MICU1: variants seen among roughly 807,000 people sequenced by gnomAD.
The protein encoded by MICU1 is calcium uptake protein 1, mitochondrial.
Under a neutral mutation model 56.8 loss-of-function variants are expected in MICU1, and 45 were observed. That is an observed-to-expected ratio of 0.79 (90% confidence interval 0.62 to 1.02). The LOEUF (loss-of-function observed/expected upper bound fraction) is 1.02. MICU1 is among the 50% of genes least tolerant of loss of function. The pLI, the probability that MICU1 is intolerant of heterozygous loss-of-function variation, is 0.00. For synonymous variants in MICU1, 186 were observed against 195.1 expected, an observed-to-expected ratio of 0.95 and a Z score of 0.39; for missense variants, 504 against 587.1, an observed-to-expected ratio of 0.86 and a Z score of 1.46.
intron 10 of MICU1, among the ~76,000 whole-genome samples, chr10:72,379,791 T>A (rs1862641380): frequency 6.6e-6 from 1 of 152,150 alleles, no homozygotes; most frequent in South Asian, 2.1e-4. Flanking sequence ...GGCTCTGGTG[T>A]CCTTCCTACC....
At chr10:72,413,995 G>T (rs183650890) in intron 9 of MICU1, among the ~76,000 whole-genome samples, 32 of 152,316 alleles carry the variant, frequency 2.1e-4, no homozygotes, top group African/African-American at 7.2e-4. Context: ...GTTGATGAGG[G>T]TGTGGAGAAA....
In MICU1 at chr10:72,423,317, T is replaced by C; in HGVS notation, c.988A>G (p.Met330Val). 2 of 1,614,036 alleles carry C rather than the reference T, an allele frequency of 1.2e-6. No homozygotes were observed. Among genetic ancestry groups the C allele is most frequent in the Non-Finnish European group, 1.7e-6 (2 of 1,179,880 alleles). The change falls in exon 9 of 12, where the codon ATG becomes GTG. Residue 330 changes from methionine (M) to valine (V), a missense_variant. Coordinates refer to ENST00000361114, the MANE Select transcript of MICU1 (RefSeq NM_001195518.2). ...TGCACCCCACTGTAGGCAAGTAGCATGCCACCAAACTGCCTCTCAGTAATT... is the reference window on the plus strand; with the variant it reads ...TGCACCCCACTGTAGGCAAGTAGCACGCCACCAAACTGCCTCTCAGTAATT... ...GRITERQFGGMLLAYSGVQSK... is the reference protein window; with the variant it reads ...GRITERQFGGVLLAYSGVQSK...
At chr10:72,566,039 C>CTTTTT (rs11376019) in intron 2 of MICU1, among the ~76,000 whole-genome samples, 170 of 69,708 alleles carry the variant, frequency 2.4e-3, no homozygotes, top group East Asian at 5.5e-3. Flanking sequence ...CATTCATTTT[C>CTTTTT]TTTTTTTTTT....
At chr10:72,523,752 T>C in intron 5 of MICU1, 1 of 1,222,750 alleles carries the variant, frequency 8.2e-7, no homozygotes, top group Non-Finnish European at 1.1e-6. Context: ...TAATAATTTA[T>C]AAACTACCAT....
chr10:72,615,854 C>T (rs1216190781), intron 1 of MICU1, among the ~76,000 whole-genome samples: 2 of 151,996 alleles, frequency 1.3e-5, no homozygotes, highest in Non-Finnish European at 2.9e-5. Flanking sequence ...GCCGGGCGTG[C>T]GGCATGCACC....
In MICU1 at chr10:72,523,950, T is replaced by C. The variant is rs1333993248; in HGVS notation, c.537+9796A>G. On this transcript the variant is annotated intron_variant, in intron 5 of 11. Transcript: ENST00000361114. Reference sequence around the variant, plus strand: ...TAATAAAGTCTTTCTAGGTGTCCCATTTGTTTCCCCTTAAGCCATTTTACT... The same window carrying C: ...TAATAAAGTCTTTCTAGGTGTCCCACTTGTTTCCCCTTAAGCCATTTTACT... The C allele has an allele frequency of 2.8e-6, 4 of 1,417,286 alleles. No homozygotes were observed. The African/African-American group carries it at 4.4e-5, about 15-fold the overall frequency. The allele number at this position is 1,417,286 out of a possible 1,614,324, so 87.8% of individuals were successfully genotyped here. A position where few individuals can be genotyped will look rare whatever the true frequency, so the allele number is the denominator to read the frequency against.
chr10:72,370,104 CCT>C, intron 11 of MICU1, among the ~76,000 whole-genome samples: 1 of 152,128 alleles, frequency 6.6e-6, no homozygotes, highest in South Asian at 2.1e-4. Context: ...GTCTCAATCT[CCT>C]GACCTCATGA....
rs115193088 is a variant in MICU1 at position 72,572,989 on chromosome 10, C to T, written c.-1-6195G>A. On this transcript the variant is annotated intron_variant, in intron 1 of 11. Transcript: ENST00000361114. ...GTACTTGCACACTTGTGAAATTATG[C>T]ACATGTATATGGTGCATAATTATTA... Among the ~76,000 whole-genome samples the T allele has an allele frequency of 2.6e-3, 392 of 152,054 alleles. 3 individuals are homozygous for T. The highest frequency in any genetic ancestry group is 9.0e-3 in the African/African-American group (374 of 41,476).
At chr10:72,475,717 C>A (rs1866098204) in intron 7 of MICU1, 2 of 373,822 alleles carry the variant, frequency 5.4e-6, no homozygotes, top group Non-Finnish European at 1.1e-5. Flanking sequence ...GAGTGAGCCA[C>A]CGCGCCCAGC....
At position 72,382,375 on chromosome 10, in the gene MICU1, G is replaced by A. The variant is rs540831058; in HGVS notation, c.1181-6503C>T. Among the ~76,000 whole-genome samples the A allele has an allele frequency of 1.1e-4, 17 of 151,860 alleles. No homozygotes were observed. In the South Asian group the frequency reaches 3.3e-3, roughly 30 times the overall value. On this transcript the variant is annotated intron_variant, in intron 10 of 11. Transcript: ENST00000361114. ...GATCCACCCGCCTTGACCTCCCAAA[G>A]TGCTGGGATTACAGGCATGAGCCAC... is the stretch of plus-strand genomic sequence containing the variant.
At chr10:72,536,135 A>G (rs1839626708) in intron 4 of MICU1, among the ~76,000 whole-genome samples, 1 of 152,106 alleles carries the variant, frequency 6.6e-6, no homozygotes. Flanking sequence ...AACAAGTTCT[A>G]GTGTTCTATA....
chr10:72,433,106 G>A (rs1031771262), intron 8 of MICU1, among the ~76,000 whole-genome samples: 5 of 142,296 alleles, frequency 3.5e-5, no homozygotes, highest in Admixed American at 7.1e-5. Context: ...CCCAGCTAAT[G>A]TTTTGTATTT....
intron 1 of MICU1, among the ~76,000 whole-genome samples, chr10:72,615,572 T>C (rs1486670242): frequency 6.6e-6 from 1 of 152,198 alleles, no homozygotes; most frequent in Non-Finnish European, 1.5e-5. Context: ...TCTTAGGCTT[T>C]TTTCTCTGAT....
intron 8 of MICU1, among the ~76,000 whole-genome samples, chr10:72,446,434 G>A (rs899564218): frequency 6.6e-6 from 1 of 152,002 alleles, no homozygotes; most frequent in Admixed American, 6.6e-5. Context: ...GGGTTCCAGT[G>A]ATTTTCCTGC....
intron 8 of MICU1, among the ~76,000 whole-genome samples, chr10:72,474,416 G>C (rs1177569506): frequency 6.6e-6 from 1 of 152,030 alleles, no homozygotes; most frequent in African/African-American, 2.4e-5. Flanking sequence ...TGTTTTGAAT[G>C]GAACAGAATA....
Position 72,423,277 on chromosome 10 carries a change from G to C in MICU1, c.1028C>G (p.Thr343Ser), listed in dbSNP as rs1864237211. Residue 343 changes from threonine to serine, a missense_variant, in exon 9 of 12, where the codon ACC becomes AGC. By Grantham distance (58) the Thr-to-Ser change is moderately conservative (BLOSUM62 1). Coordinates refer to ENST00000361114, the MANE Select transcript of MICU1 (RefSeq NM_001195518.2). ...AYSGVQSKKL[T>S]AMQRQLKKHF... ...CTTCTTGAGCTGCCTCTGCATGGCG[G>C]TCAGCTTCTTGGACTGCACCCCACT... The C allele has an allele frequency of 3.1e-6, 5 of 1,613,880 alleles. No individual in the cohort carries two copies. Among genetic ancestry groups the C allele is most frequent in the South Asian group, 2.2e-5 (2 of 91,064 alleles).
intron 3 of MICU1, among the ~76,000 whole-genome samples, chr10:72,552,101 T>C (rs924060170): frequency 2.0e-5 from 3 of 152,196 alleles, no homozygotes; most frequent in Non-Finnish European, 4.4e-5. Context: ...AAATTACGTA[T>C]CATGGAAACT....
At chr10:72,615,047 A>T (rs1479604786) in intron 1 of MICU1, among the ~76,000 whole-genome samples, 1 of 152,190 alleles carries the variant, frequency 6.6e-6, no homozygotes, top group Admixed American at 6.5e-5. Flanking sequence ...AATATATTGC[A>T]GCATTTTTCA....
intron 6 of MICU1, among the ~76,000 whole-genome samples, chr10:72,506,175 T>C (rs1207349771): frequency 1.3e-5 from 2 of 152,158 alleles, no homozygotes; most frequent in Admixed American, 1.3e-4. Flanking sequence ...ATGGCAGAGC[T>C]ACTTGGAGGG....
Sources: gnomAD v4.1 joint callset for allele counts (sites outside exome capture counted in the v4.1 genomes callset) on GRCh38, gnomAD v4.1.1 for gene constraint, MANE v1.5 for transcripts, NCBI Gene and HGNC (gene_info 2026-07-23, HGNC 2026-07-21) for gene names.